FAM107B: variants seen among roughly 807,000 people sequenced by gnomAD.
The protein encoded by FAM107B is family with sequence similarity 107 member B.
Under a neutral mutation model 31.5 loss-of-function variants are expected in FAM107B, and 21 were observed. The observed-to-expected ratio is 0.67, with a 90% confidence interval of 0.47 to 0.96. FAM107B has a LOEUF of 0.96. Ranked by LOEUF, FAM107B falls within the 40% of genes least tolerant of loss-of-function variation. The pLI is 0.00. For synonymous variants in FAM107B, 157 were observed against 141.5 expected, an observed-to-expected ratio of 1.11 and a Z score of -0.78; for missense variants, 452 against 377.1, an observed-to-expected ratio of 1.20 and a Z score of -1.64.
chr10:14,576,593 C>T (rs768978703), intron 2 of FAM107B, among the ~76,000 whole-genome samples: 17 of 152,132 alleles, frequency 1.1e-4, no homozygotes, highest in Non-Finnish European at 2.4e-4. Context: ...TGGGAAAACT[C>T]TCACAAAATT....
chr10:14,635,454 C>T (rs983462507), intron 2 of FAM107B, among the ~76,000 whole-genome samples: 5 of 152,152 alleles, frequency 3.3e-5, no homozygotes, highest in African/African-American at 4.8e-5. Context: ...ACACCCTCTG[C>T]CAGTGATCCT....
chr10:14,725,826 T>TA (rs1856020518), intron 1 of FAM107B, among the ~76,000 whole-genome samples: 2 of 144,354 alleles, frequency 1.4e-5, no homozygotes, highest in South Asian at 4.5e-4. Flanking sequence ...AAATCCTTTT[T>TA]TTTTTTTTTT....
At chr10:14,659,402 C>T (rs1854163325) in intron 2 of FAM107B, among the ~76,000 whole-genome samples, 1 of 152,068 alleles carries the variant, frequency 6.6e-6, no homozygotes. Flanking sequence ...GATTGCCCCA[C>T]TTCACTCCAG....
At chr10:14,729,531 G>T (rs908626211) in intron 1 of FAM107B, among the ~76,000 whole-genome samples, 12 of 152,058 alleles carry the variant, frequency 7.9e-5, no homozygotes, top group African/African-American at 2.9e-4. Flanking sequence ...TAAAGGGAGG[G>T]ATCAACACAG....
chr10:14,771,058 A>C (rs1833291492), intron 1 of FAM107B, among the ~76,000 whole-genome samples: 1 of 152,044 alleles, frequency 6.6e-6, no homozygotes, highest in Admixed American at 6.6e-5. Context: ...CAGTGCATCC[A>C]AAAGGGAAAT....
intron 1 of FAM107B, among the ~76,000 whole-genome samples, chr10:14,740,775 A>G (rs1196237430): frequency 6.6e-6 from 1 of 152,186 alleles, no homozygotes; most frequent in African/African-American, 2.4e-5. Flanking sequence ...AACTGCTCTA[A>G]AAAACAAAGT....
At position 14,583,947 on chromosome 10, in the gene FAM107B, T is replaced by C. The variant is rs189013397; in HGVS notation, c.470-53432A>G. On this transcript the variant is annotated intron_variant, in intron 2 of 4. Transcript: ENST00000181796. ...CACCGTTGTTCATAGGAGTGTTTCA[T>C]GGCAAGTCTTAGGAAAGAGGGTTTT... is the stretch of plus-strand genomic sequence containing the variant. Among the ~76,000 whole-genome samples the C allele has an allele frequency of 1.7e-3, 264 of 152,318 alleles. No individual in the cohort carries two copies. In the South Asian group the frequency reaches 0.021, roughly 12 times the overall value.
intron 1 of FAM107B, among the ~76,000 whole-genome samples, chr10:14,730,242 G>A (rs150418864): frequency 2.0e-5 from 3 of 152,236 alleles, no homozygotes; most frequent in Non-Finnish European, 2.9e-5. Context: ...TTTCATATCC[G>A]GAGATGGGAA....
At chr10:14,527,418 T>A (rs1846400155) in intron 3 of FAM107B, among the ~76,000 whole-genome samples, 1 of 152,244 alleles carries the variant, frequency 6.6e-6, no homozygotes, top group Admixed American at 6.5e-5. Context: ...TAAGTTCTTG[T>A]TCTCAGCCTG....
chr10:14,770,659 A>G (rs1833280601), intron 1 of FAM107B, among the ~76,000 whole-genome samples: 1 of 152,232 alleles, frequency 6.6e-6, no homozygotes, highest in Non-Finnish European at 1.5e-5. Context: ...AAGAGGTACT[A>G]ACAATTATAA....
intron 1 of FAM107B, among the ~76,000 whole-genome samples, chr10:14,706,660 C>T (rs923761431): frequency 6.6e-6 from 1 of 152,172 alleles, no homozygotes; most frequent in African/African-American, 2.4e-5. Flanking sequence ...GTAATATAGA[C>T]ATTGTAAGGC....
intron 2 of FAM107B, among the ~76,000 whole-genome samples, chr10:14,595,538 G>GC (rs1020547604): frequency 6.8e-6 from 1 of 147,662 alleles, no homozygotes; most frequent in Non-Finnish European, 1.5e-5. Context: ...CGATTCTCCT[G>GC]CATCAGCCTC....
At chr10:14,756,960 T>G (rs780722829) in intron 1 of FAM107B, among the ~76,000 whole-genome samples, 3 of 152,104 alleles carry the variant, frequency 2.0e-5, no homozygotes, top group Non-Finnish European at 4.4e-5. Context: ...AGCTAAATGA[T>G]GAGAACACAT....
intron 2 of FAM107B, among the ~76,000 whole-genome samples, chr10:14,542,164 GGAGGCT>G (rs1281926612): frequency 1.3e-5 from 2 of 151,860 alleles, no homozygotes; most frequent in East Asian, 3.9e-4. Context: ...CAGCTACTTA[GGAGGCT>G]GAGGCACGAG....
At chr10:14,738,214 G>A (rs759736967) in intron 1 of FAM107B, among the ~76,000 whole-genome samples, 6 of 152,174 alleles carry the variant, frequency 3.9e-5, no homozygotes, top group African/African-American at 1.2e-4. Context: ...ATCCAAATCC[G>A]CATGTGACAC....
chr10:14,556,446 A>G, intron 2 of FAM107B: 1 of 981,984 alleles, frequency 1.0e-6, no homozygotes, highest in Non-Finnish European at 1.2e-6. Context: ...AGCATGCCAG[A>G]GAGCAGCCCA....
rs373655534 is a variant in FAM107B at position 14,521,006 on chromosome 10, T to C, written c.*184A>G. ...GGGGCACTGCCCTTCATTTGGCGAA[T>C]AGGAACTGCAACTGTCACAGGCAAG... On this transcript the variant is annotated 3_prime_UTR_variant, in exon 5 of 5. Coordinates refer to ENST00000181796, the MANE Select transcript of FAM107B (RefSeq NM_031453.4). 8 of 560,172 alleles carry C rather than the reference T, an allele frequency of 1.4e-5. No homozygotes were observed. Among genetic ancestry groups the C allele is most frequent in the Admixed American group, 7.0e-5 (2 of 28,670 alleles). The allele number at this position is 560,172 out of a possible 1,614,324, so 34.7% of individuals were successfully genotyped here.
chr10:14,658,662 CT>C (rs1854138097), intron 2 of FAM107B, among the ~76,000 whole-genome samples: 1 of 152,232 alleles, frequency 6.6e-6, no homozygotes, highest in African/African-American at 2.4e-5. Flanking sequence ...GACTCATCTG[CT>C]TCACTTGATT....
chr10:14,715,691 C>A (rs188774005), intron 1 of FAM107B, among the ~76,000 whole-genome samples: 3 of 152,308 alleles, frequency 2.0e-5, no homozygotes, highest in Middle Eastern at 3.4e-3. Context: ...GGAATTGACT[C>A]GCTCTTCTTG....
Sources: gnomAD v4.1 joint callset for allele counts (sites outside exome capture counted in the v4.1 genomes callset) on GRCh38, gnomAD v4.1.1 for gene constraint, MANE v1.5 for transcripts, NCBI Gene and HGNC (gene_info 2026-07-23, HGNC 2026-07-21) for gene names.